The following C20orf173 variants were observed in gnomAD, a reference collection of about 807,000 sequenced individuals.
C20orf173 encodes the protein uncharacterized protein C20orf173.
C20orf173 carries 22 observed loss-of-function variants against 26.7 expected under a neutral mutation model. The ratio of observed to expected loss-of-function variants is 0.82; its 90% CI spans 0.59 to 1.18. The LOEUF (loss-of-function observed/expected upper bound fraction) is 1.18. Among genes scored for constraint, C20orf173 ranks in the 50% most tolerant of loss-of-function variants. C20orf173 has a pLI of 0.00. For missense variants in C20orf173, 210 were observed against 250.3 expected (o/e 0.84, Z 1.09); for synonymous variants, 85 against 96.4 (o/e 0.88, Z 0.69).
chr20:35,524,731 T>C (rs1052835580), downstream of C20orf173, among the ~76,000 whole-genome samples: 1 of 150,700 alleles, frequency 6.6e-6, no homozygotes, highest in Non-Finnish European at 1.5e-5. Flanking sequence ...AGAATTTCGC[T>C]CTTGTTGCCC....
chr20:35,528,788 CA>C lies in C20orf173; in HGVS notation c.400del (p.Cys134ValfsTer58), dbSNP rs2064526279. Reference sequence around the variant, plus strand: ...GCGCCCCAACAGCACACAAGTCCCACAATAGAAATCAAAATGGCTCACCGAG... The same window carrying C: ...GCGCCCCAACAGCACACAAGTCCCACATAGAAATCAAAATGGCTCACCGAG... Reference protein sequence around the residue: ...RLSVSHFDFYCGTCVLLGRPQ... With the variant: ...RLSVSHFDFYXGTCVLLGRPQ... On this transcript the variant is annotated frameshift_variant, in exon 3 of 6. Coordinates refer to ENST00000444723, the MANE Select transcript of C20orf173 (RefSeq NM_001145350.2). LOFTEE classifies it high-confidence loss of function. The C allele has an allele frequency of 2.6e-6, 4 of 1,550,870 alleles. No individual in the cohort carries two copies. The highest frequency in any genetic ancestry group is 3.5e-6 in the Non-Finnish European group (4 of 1,146,820).
downstream of C20orf173, among the ~76,000 whole-genome samples, chr20:35,524,365 C>T (rs2064491573): frequency 6.6e-6 from 1 of 151,908 alleles, no homozygotes; most frequent in African/African-American, 2.4e-5. Flanking sequence ...AAATTCAAAG[C>T]GTTTTGTCAG....
chr20:35,527,319 TCAG>T (rs1198428374), intron 5 of C20orf173, 69 bp from the exon 6 acceptor site: 1 of 151,842 alleles, frequency 6.6e-6, no homozygotes, highest in Non-Finnish European at 1.5e-5. Context: ...CTCCCTTCAC[TCAG>T]CATCTAGGAT....
chr20:35,526,347 T>C (rs1306872893), downstream of C20orf173, among the ~76,000 whole-genome samples: 3 of 152,142 alleles, frequency 2.0e-5, no homozygotes, highest in Non-Finnish European at 4.4e-5. Flanking sequence ...CGGTAAGTGC[T>C]AGGCACAGTG....
chr20:35,526,339 G>A (rs2064501934), downstream of C20orf173, among the ~76,000 whole-genome samples: 1 of 152,118 alleles, frequency 6.6e-6, no homozygotes, highest in African/African-American at 2.4e-5. Context: ...AAGTGACACG[G>A]TAAGTGCTAG....
chr20:35,521,701 C>T (rs2064476388), downstream of C20orf173, among the ~76,000 whole-genome samples: 1 of 151,884 alleles, frequency 6.6e-6, no homozygotes, highest in Non-Finnish European at 1.5e-5. Context: ...CTCCGCCTCC[C>T]AGGTTCAAGC....
At chr20:35,524,382 A>G (rs899554153), downstream of C20orf173, among the ~76,000 whole-genome samples, 3 of 152,220 alleles carry the variant, frequency 2.0e-5, no homozygotes, top group African/African-American at 7.2e-5. Flanking sequence ...TCAGAAATAC[A>G]TGATTTATAA....
chr20:35,528,069 G>T (rs2064516129), intron 5 of C20orf173, among the ~76,000 whole-genome samples, 164 bp downstream of exon 5: 1 of 152,206 alleles, frequency 6.6e-6, no homozygotes, highest in Admixed American at 6.5e-5. Context: ...GCACAGTTGT[G>T]CAAGACACAG....
downstream of C20orf173, among the ~76,000 whole-genome samples, chr20:35,526,652 C>T (rs891878011): frequency 4.5e-5 from 5 of 109,950 alleles, no homozygotes; most frequent in Non-Finnish European, 9.5e-5. Flanking sequence ...AAAAAAAAAG[C>T]GAATTGGAAC....
chr20:35,526,486 G>C (rs2064502659), downstream of C20orf173, among the ~76,000 whole-genome samples: 1 of 151,982 alleles, frequency 6.6e-6, no homozygotes, highest in Non-Finnish European at 1.5e-5. Flanking sequence ...AAAATTAACT[G>C]GGTGTGGTGA....
At position 35,528,782 on chromosome 20, in the gene C20orf173, G is replaced by C; in HGVS notation, c.407C>G (p.Thr136Ser). 1 of 1,550,980 alleles carries C rather than the reference G, an allele frequency of 6.4e-7. No homozygotes were observed. Among genetic ancestry groups the C allele is most frequent in the Non-Finnish European group, 8.7e-7 (1 of 1,146,812 alleles). ...CTGTGGGCGCCCCAACAGCACACAA[G>C]TCCCACAATAGAAATCAAAATGGCT... ...SVSHFDFYCG[T>S]CVLLGRPQIP... The change falls in exon 3 of 6, where the codon ACT becomes AGT. Residue 136 changes from threonine (T) to serine (S), a missense_variant. Physicochemically the swap from Thr to Ser is moderately conservative, Grantham distance 58. Coordinates refer to ENST00000444723, the MANE Select transcript of C20orf173 (RefSeq NM_001145350.2).
At chr20:35,523,924 A>C (rs1274692210), downstream of C20orf173, among the ~76,000 whole-genome samples, 1 of 152,208 alleles carries the variant, frequency 6.6e-6, no homozygotes, top group Admixed American at 6.5e-5. Flanking sequence ...GGCCACCTGG[A>C]ATCTTCTGAA....
downstream of C20orf173, among the ~76,000 whole-genome samples, chr20:35,524,428 T>A (rs1479029023): frequency 2.0e-5 from 3 of 152,184 alleles, no homozygotes; most frequent in Non-Finnish European, 2.9e-5. Context: ...AAGATTTACA[T>A]ACCCAAGTTA....
Position 35,529,584 on chromosome 20 carries a change from TG to T in C20orf173, c.-78del, listed in dbSNP as rs1043563018. 7 of 584,742 alleles carry T rather than the reference TG, an allele frequency of 1.2e-5. No homozygotes were observed. The highest frequency in any genetic ancestry group is 4.5e-4 in the Middle Eastern group (1 of 2,208). The allele number at this position is 584,742 out of a possible 1,614,324, so 36.2% of individuals were successfully genotyped here. ...CCTCAAAACGGTCTCTGACTGGGCATGGGGTGGAAGAGGCCAGGGCAGAGAG... is the reference window on the plus strand; with the variant it reads ...CCTCAAAACGGTCTCTGACTGGGCATGGGTGGAAGAGGCCAGGGCAGAGAG... On this transcript the variant is annotated 5_prime_UTR_variant, in exon 1 of 6. It removes the in-frame stop codon of an upstream open reading frame in the 5' UTR. Transcript: ENST00000444723.
downstream of C20orf173, among the ~76,000 whole-genome samples, chr20:35,526,210 TG>T (rs2147285016): frequency 6.6e-6 from 1 of 152,288 alleles, no homozygotes; most frequent in East Asian, 1.9e-4. Context: ...CTTGACACTG[TG>T]GTAGTCTCAT....
chr20:35,522,859 C>A, downstream of C20orf173: 1 of 152,780 alleles, frequency 6.5e-6, no homozygotes, highest in African/African-American at 2.4e-5. Flanking sequence ...CCTCTCGAGT[C>A]CCTAGGAGCA....
intron 2 of C20orf173, 38 bp downstream of exon 2, chr20:35,529,027 C>G: frequency 6.5e-7 from 1 of 1,540,690 alleles, no homozygotes; most frequent in Non-Finnish European, 8.8e-7. Flanking sequence ...GCCCGGAAAG[C>G]ATGGGGGATA....
chr20:35,529,480 G>A (rs975759383), intron 1 of C20orf173, 56 bp from the exon 2 acceptor site: 19 of 1,071,266 alleles, frequency 1.8e-5, no homozygotes, highest in Non-Finnish European at 2.2e-5. Flanking sequence ...CTGTCCTGTC[G>A]GCCTCCACAA....
At chr20:35,522,412 C>T (rs2064480384), downstream of C20orf173, 1 of 152,292 alleles carries the variant, frequency 6.6e-6, no homozygotes, top group Admixed American at 6.5e-5. Context: ...TTTGCTTCCA[C>T]ATGCTTGTCT....
Sources: allele counts gnomAD v4.1 joint callset (sites outside exome capture counted in the v4.1 genomes callset), GRCh38; gene constraint gnomAD v4.1.1; transcripts MANE v1.5; gene names NCBI Gene and HGNC (gene_info 2026-07-23, HGNC 2026-07-21).